Variants in RALGDS observed in about 807,000 individuals in gnomAD.
RALGDS encodes ral guanine nucleotide dissociation stimulator.
In RALGDS, 44 loss-of-function variants were observed where a neutral mutation model predicts 99.8. The observed-to-expected ratio is 0.44, with a 90% confidence interval of 0.35 to 0.57. RALGDS has a LOEUF of 0.57. RALGDS is among the 20% of genes least tolerant of loss of function. RALGDS has a pLI of 0.01. For synonymous variants in RALGDS, 529 were observed against 505.0 expected (o/e 1.05, Z -0.64); for missense variants, 1,022 against 1,203.1 (o/e 0.85, Z 2.23).
chr9:133,130,436 C>T (rs1300755129), intron 1 of RALGDS, among the ~76,000 whole-genome samples: 2 of 152,030 alleles, frequency 1.3e-5, no homozygotes, highest in African/African-American at 2.4e-5. Context: ...TTTAACTGGG[C>T]GCAGGGGTGG....
chr9:133,108,100 T>C lies in RALGDS; in HGVS notation c.1085A>G (p.Gln362Arg), dbSNP rs763046032. 2 of 1,613,702 alleles carry C rather than the reference T, an allele frequency of 1.2e-6. No individual in the cohort carries two copies. The highest frequency in any genetic ancestry group is 8.5e-7 in the Non-Finnish European group (1 of 1,180,022). ...AACCACAGGTGAAGGCCAGGAAGGC[T>C]GTAATGATGGAACTGGTGCTGGAGC... ...EPAPAPVPSLQPSWPSPVVAE... is the reference protein window; with the variant it reads ...EPAPAPVPSLRPSWPSPVVAE... The change falls in exon 6 of 18, where the codon CAG becomes CGG. Residue 362 changes from glutamine to arginine, a missense_variant. Transcript: ENST00000372050.
At chr9:133,103,119 C>T in intron 12 of RALGDS, 111 bp downstream of exon 12, 1 of 1,477,992 alleles carries the variant, frequency 6.8e-7, no homozygotes, top group Non-Finnish European at 9.4e-7. Flanking sequence ...TCTCTGTGTC[C>T]AAATGTCCCA....
At position 133,108,216 on chromosome 9, in the gene RALGDS, C is replaced by T; in HGVS notation, c.969G>A (p.Val323=). The change falls in exon 6 of 18, where the codon GTG becomes GTA. Residue 323 remains valine, a synonymous_variant. Transcript: ENST00000372050. ...PELQQAPEPA[V]GLESAPAPAL... ...CTGGCGCTGGAGCCGATTCTAGTCC[C>T]ACAGCTGGCTCTGGAGCCTGCTGGA... 5 of 1,612,906 alleles carry T rather than the reference C, an allele frequency of 3.1e-6. No individual in the cohort carries two copies. Among genetic ancestry groups the T allele is most frequent in the Non-Finnish European group, 4.2e-6 (5 of 1,179,718 alleles).
In RALGDS at chr9:133,120,994, T is replaced by A; in HGVS notation, c.161A>T (p.Asp54Val). The A allele has an allele frequency of 6.7e-7, 1 of 1,490,564 alleles. No homozygotes were observed. Among genetic ancestry groups the A allele is most frequent in the Non-Finnish European group, 8.9e-7 (1 of 1,127,066 alleles). 92.3% of individuals were successfully genotyped at this position (1,490,564 alleles called of 1,614,324 possible). ...PVVLHSFTQL[D>V]PDLPRPESST... ...CACCTCCGGGCGCGGCAGGTCGGGGTCTAGCTGCGTGAAGCTGTGCAGCAC... is the reference window on the plus strand; with the variant it reads ...CACCTCCGGGCGCGGCAGGTCGGGGACTAGCTGCGTGAAGCTGTGCAGCAC... Residue 54 changes from aspartate to valine, a missense_variant, in exon 1 of 18, where the codon GAC becomes GTC. By Grantham distance (152) the Asp-to-Val change is radical. Transcript: ENST00000372050.
At chr9:133,131,648 CAGGCTCCA>C (rs1015527346), upstream of RALGDS, among the ~76,000 whole-genome samples, 24 of 152,258 alleles carry the variant, frequency 1.6e-4, no homozygotes, top group African/African-American at 5.8e-4. Context: ...TCCTCTGTGC[CAGGCTCCA>C]AGGCCCTGTC....
chr9:133,108,368 G>A lies in RALGDS; in HGVS notation c.817C>T (p.Leu273Phe). ...CGAGCTGGTGTTAGAGCTAGCTCGA[G>A]CTCTGGAGTTGGTTTTAGAGCTGGC... Reference protein sequence around the residue: ...PVPALKPTPELELALTPARAP... With the variant: ...PVPALKPTPEFELALTPARAP... Residue 273 changes from leucine to phenylalanine, a missense_variant, in exon 6 of 18, where the codon CTC (leucine) becomes TTC (phenylalanine). Leu to Phe is a conservative substitution (Grantham distance 22, BLOSUM62 0). This residue lies in a region of RALGDS where 825 missense variants were observed against 994.5 expected (regional missense o/e 0.83). Transcript: ENST00000372050. The A allele has an allele frequency of 6.5e-7, 1 of 1,538,196 alleles. No individual in the cohort carries two copies.
intron 1 of RALGDS, among the ~76,000 whole-genome samples, chr9:133,141,157 C>T (rs562095842): frequency 6.6e-6 from 1 of 152,040 alleles, no homozygotes; most frequent in Non-Finnish European, 1.5e-5. Flanking sequence ...ATGAGAGCAC[C>T]GGGAGTTCCT....
chr9:133,109,131 C>T (rs866911592), intron 4 of RALGDS, among the ~76,000 whole-genome samples: 14 of 152,338 alleles, frequency 9.2e-5, no homozygotes, highest in Admixed American at 2.6e-4. Context: ...GTCCTCCTGC[C>T]GGGCATCTGC....
intron 1 of RALGDS, 96 bp downstream of exon 1, chr9:133,120,876 C>T (rs1831895952): frequency 3.1e-6 from 4 of 1,301,936 alleles, no homozygotes; most frequent in Non-Finnish European, 4.0e-6. Context: ...GCTGGGATCG[C>T]CCGGCCCCGT....
Position 133,102,682 on chromosome 9 carries a change from G to A in RALGDS, c.1913+97C>T, listed in dbSNP as rs763958051. The A allele has an allele frequency of 3.0e-5, 48 of 1,603,826 alleles. 1 individual carries two copies. The highest frequency in any genetic ancestry group is 4.0e-5 in the Non-Finnish European group (47 of 1,176,068). ...GCCCCGGCCATCCTCAGGCAACAGG[G>A]GCTGAGGCTGACCATGGGTCATAGC... On this transcript the variant is annotated intron_variant, in intron 13 of 17. Coordinates refer to ENST00000372050, the MANE Select transcript of RALGDS (RefSeq NM_006266.4).
At chr9:133,133,053 G>A (rs910381837), upstream of RALGDS, among the ~76,000 whole-genome samples, 2 of 152,160 alleles carry the variant, frequency 1.3e-5, no homozygotes, top group Non-Finnish European at 2.9e-5. Context: ...GCAGCTCCCG[G>A]GTACCAGGCC....
rs1831282221 is a variant in RALGDS at position 133,110,327 on chromosome 9, T to G, written c.457A>C (p.Thr153Pro). The change falls in exon 3 of 18, where the codon ACC becomes CCC. Residue 153 changes from threonine to proline, a missense_variant. Physicochemically the swap from Thr to Pro is conservative, Grantham distance 38. Around this residue, in one of 3 missense-constraint regions of RALGDS, gnomAD observed 825 missense variants for 994.5 expected, o/e 0.83. Coordinates refer to ENST00000372050, the MANE Select transcript of RALGDS (RefSeq NM_006266.4). ...FLCTYRAFTTTQQVLDLLFKR... is the reference protein window; with the variant it reads ...FLCTYRAFTTPQQVLDLLFKR... ...AACAGCAGGTCCAGGACCTGTTGGGTGGTGGTGAAGGCTCTATAGGTACAC... is the reference window on the plus strand; with the variant it reads ...AACAGCAGGTCCAGGACCTGTTGGGGGGTGGTGAAGGCTCTATAGGTACAC... 2.5e-6 allele frequency: 4 copies of G among 1,613,730 alleles called. No individual in the cohort carries two copies. In the East Asian group the frequency reaches 8.9e-5, roughly 36 times the overall value.
chr9:133,107,220 C>T lies in RALGDS; in HGVS notation c.1278G>A (p.Leu426=), dbSNP rs376963822. 80 of 1,613,764 alleles carry T rather than the reference C, an allele frequency of 5.0e-5. No homozygotes were observed. In the African/African-American group the frequency reaches 9.1e-4, roughly 18 times the overall value. Residue 426 remains leucine, a synonymous_variant, in exon 7 of 18, where the codon CTG becomes CTA. Coordinates refer to ENST00000372050, the MANE Select transcript of RALGDS (RefSeq NM_006266.4). ...SQRDKKGKEH[L]APTIRATVTQ... is the part of the protein sequence containing the mutation. ...TGACAGTGGCGCGGATGGTGGGCGC[C>T]AGGTGCTCCTTGCCCTTCTTGTCCC...
intron 1 of RALGDS, among the ~76,000 whole-genome samples, chr9:133,120,209 C>T (rs546848211): frequency 2.0e-5 from 3 of 152,144 alleles, no homozygotes; most frequent in Non-Finnish European, 4.4e-5. Flanking sequence ...GAGAAACAAG[C>T]CCCCGCCCTC....
At chr9:133,107,014 C>A in intron 7 of RALGDS, 71 bp downstream of exon 7, 1 of 1,549,302 alleles carries the variant, frequency 6.5e-7, no homozygotes, top group Non-Finnish European at 8.9e-7. Flanking sequence ...TGTACAGGGC[C>A]TTGGACTGCA....
At chr9:133,101,895 G>C (rs892465043) in intron 15 of RALGDS, 43 bp downstream of exon 15, 3 of 1,550,964 alleles carry the variant, frequency 1.9e-6, no homozygotes, top group Non-Finnish European at 1.7e-6. Context: ...GATTTGGAGT[G>C]GGGAGATGGG....
rs574382084 is a variant in RALGDS at position 133,140,126 on chromosome 9, G to A, written c.18+8837C>T. On this transcript the variant is annotated intron_variant, in intron 1 of 17. Coordinates refer to the RALGDS transcript ENST00000393160. Reference sequence around the variant, plus strand: ...AGCTATAGCCCAGCAGGGGTGGGGTGGGGTGGGGTGGGAGCGGGAATCCCT... The same window carrying A: ...AGCTATAGCCCAGCAGGGGTGGGGTAGGGTGGGGTGGGAGCGGGAATCCCT... 3.3e-5 allele frequency among the ~76,000 whole-genome samples: 5 copies of A among 152,094 alleles called. No individual in the cohort carries two copies. The East Asian group carries it at 9.7e-4, about 30-fold the overall frequency.
intron 1 of RALGDS, among the ~76,000 whole-genome samples, chr9:133,116,573 G>A (rs1270533768): frequency 1.3e-5 from 2 of 152,260 alleles, no homozygotes; most frequent in Non-Finnish European, 2.9e-5. Flanking sequence ...TGAACACAGG[G>A]CCAGGCCCGG....
At chr9:133,111,620 G>A (rs2119173227) in intron 2 of RALGDS, among the ~76,000 whole-genome samples, 1 of 152,314 alleles carries the variant, frequency 6.6e-6, no homozygotes, top group African/African-American at 2.4e-5. Context: ...GACTCACAGT[G>A]GCCCCACAGT....
Sources: gnomAD v4.1 joint callset for allele counts (sites outside exome capture counted in the v4.1 genomes callset) on GRCh38, gnomAD v4.1.1 for gene constraint, gnomAD v4.1.1 regional missense constraint, MANE v1.5 for transcripts, NCBI Gene and HGNC (gene_info 2026-07-23, HGNC 2026-07-21) for gene names.